QRFPR: variants seen among roughly 807,000 people sequenced by gnomAD.
The protein encoded by QRFPR is pyroglutamylated RF-amide peptide receptor.
In QRFPR, 37 loss-of-function variants were observed where a neutral mutation model predicts 31.3. The observed-to-expected ratio is 1.18, with a 90% CI of 0.91 to 1.56. The LOEUF is 1.56. Ranked by LOEUF, QRFPR falls within the 40% of genes most tolerant of loss-of-function variation. The pLI is 0.00. For synonymous variants in QRFPR, 197 were observed against 192.0 expected (o/e 1.03, Z -0.22); for missense variants, 542 against 532.5 (o/e 1.02, Z -0.18).
chr4:121,362,306 C>CT (rs1726009323), intron 1 of QRFPR, among the ~76,000 whole-genome samples: 1 of 149,156 alleles, frequency 6.7e-6, no homozygotes, highest in African/African-American at 2.5e-5. Flanking sequence ...AGTTCTCTTT[C>CT]TTTTTTAAAA....
chr4:121,374,071 A>AAAGTTCTATTCTCCAGGC (rs1726303908), intron 1 of QRFPR, among the ~76,000 whole-genome samples: 1 of 152,248 alleles, frequency 6.6e-6, no homozygotes, highest in African/African-American at 2.4e-5. Context: ...ATTTATAACT[A>AAAGTTCTATTCTCCAGGC]AAGTTCTATT....
At chr4:121,347,208 TA>T (rs1433550875) in intron 1 of QRFPR, among the ~76,000 whole-genome samples, 1 of 152,146 alleles carries the variant, frequency 6.6e-6, no homozygotes, top group Non-Finnish European at 1.5e-5. Flanking sequence ...TTTCTTACAT[TA>T]AAAAATGTTT....
intron 1 of QRFPR, among the ~76,000 whole-genome samples, chr4:121,360,124 G>T (rs531207082): frequency 6.6e-6 from 1 of 152,264 alleles, no homozygotes; most frequent in African/African-American, 2.4e-5. Context: ...TTCAGTAACT[G>T]TGTTTACTAC....
intron 1 of QRFPR, among the ~76,000 whole-genome samples, chr4:121,372,992 C>A (rs1164755097): frequency 1.3e-5 from 2 of 152,136 alleles, no homozygotes; most frequent in Admixed American, 6.5e-5. Flanking sequence ...CTGTTGAAGA[C>A]CTTAATCCAG....
In QRFPR at chr4:121,340,472, C is replaced by T. The variant is rs146756169; in HGVS notation, c.479G>A (p.Arg160Gln). ...CTCACCTAGCATTGTGAAAGCCCTT[C>T]GGTTGGTGTATTGCCACTTCATTTT... ...PFKMKWQYTN[R>Q]RAFTMLGVVW... Residue 160 changes from arginine to glutamine, a missense_variant, in exon 2 of 6, where the codon CGA (arginine) becomes CAA (glutamine). Coordinates refer to ENST00000394427, the MANE Select transcript of QRFPR (RefSeq NM_198179.3). 2.1e-5 allele frequency: 34 copies of T among 1,613,892 alleles called. No individual in the cohort carries two copies. Among genetic ancestry groups the T allele is most frequent in the Admixed American group, 5.0e-5 (3 of 59,964 alleles).
intron 1 of QRFPR, among the ~76,000 whole-genome samples, chr4:121,354,615 A>C (rs1395708389): frequency 1.3e-5 from 2 of 152,036 alleles, no homozygotes; most frequent in Admixed American, 6.6e-5. Context: ...GAAAATGAGC[A>C]TCTTTTTCTT....
At chr4:121,333,494 T>C (rs1312644772) in intron 3 of QRFPR, among the ~76,000 whole-genome samples, 1 of 152,240 alleles carries the variant, frequency 6.6e-6, no homozygotes, top group Non-Finnish European at 1.5e-5. Context: ...ATGAGACATC[T>C]TTCAATTGAA....
At chr4:121,343,532 G>A (rs1725584122) in intron 1 of QRFPR, among the ~76,000 whole-genome samples, 1 of 152,152 alleles carries the variant, frequency 6.6e-6, no homozygotes. Flanking sequence ...TGTTAATAAA[G>A]TCCACTGTGT....
chr4:121,365,600 ATAATATATATAT>A (rs1726108215), intron 1 of QRFPR, among the ~76,000 whole-genome samples: 1 of 12,466 alleles, frequency 8.0e-5, no homozygotes, highest in South Asian at 1.4e-3. Flanking sequence ...TTATATATAT[ATAATATATATAT>A]TATATATATT....
At chr4:121,363,292 C>T (rs1047111711) in intron 1 of QRFPR, among the ~76,000 whole-genome samples, 3 of 150,072 alleles carry the variant, frequency 2.0e-5, no homozygotes, top group Non-Finnish European at 4.4e-5. Context: ...CGCCATTGCA[C>T]TCCAGCCTGG....
At position 121,355,491 on chromosome 4, in the gene QRFPR, T is replaced by C. The variant is rs960567560; in HGVS notation, c.341-14881A>G. Among the ~76,000 whole-genome samples the C allele has an allele frequency of 5.3e-5, 8 of 152,122 alleles. No homozygotes were observed. In the East Asian group the frequency reaches 1.5e-3, roughly 29 times the overall value. ...AGATTAAAGGTTAGTTGACTTTGTT[T>C]ATCTGTTCAAGAAAACAACTTTTCC... On this transcript the variant is annotated intron_variant, in intron 1 of 5. Transcript: ENST00000394427.
intron 1 of QRFPR, among the ~76,000 whole-genome samples, chr4:121,376,475 T>C (rs1398299871): frequency 2.0e-5 from 3 of 152,132 alleles, no homozygotes; most frequent in East Asian, 3.8e-4. Flanking sequence ...CCCAGCAGTG[T>C]ACAAAAGAAA....
intron 2 of QRFPR, chr4:121,340,216 T>G: frequency 2.0e-6 from 1 of 492,850 alleles, no homozygotes; most frequent in East Asian, 3.7e-5. Flanking sequence ...GCTTAAACGT[T>G]TAAGATGTAA....
chr4:121,369,552 C>A (rs1416728494), intron 1 of QRFPR: 79 of 1,607,806 alleles, frequency 4.9e-5, no homozygotes, highest in Non-Finnish European at 6.4e-5. Context: ...GCTGCTGGAT[C>A]TTCAGCCATT....
intron 1 of QRFPR, among the ~76,000 whole-genome samples, chr4:121,373,581 C>CT (rs1392846811): frequency 6.6e-6 from 1 of 152,172 alleles, no homozygotes. Context: ...TTACACCAAT[C>CT]TTACCATATG....
At chr4:121,340,356 A>G (rs749551357) in intron 2 of QRFPR, 96 bp downstream of exon 2, 27 of 1,310,086 alleles carry the variant, frequency 2.1e-5, no homozygotes, top group Non-Finnish European at 2.7e-5. Context: ...CCTACAAGTT[A>G]GATAAGAAGC....
intron 3 of QRFPR, among the ~76,000 whole-genome samples, chr4:121,336,601 G>A (rs551469801): frequency 6.6e-6 from 1 of 152,248 alleles, no homozygotes. Context: ...AAGCATTAGA[G>A]TCCTAACAAT....
rs553165874 is a variant in QRFPR at position 121,369,879 on chromosome 4, G to C, written c.340+10429C>G. 103 of 820,652 alleles carry C rather than the reference G, an allele frequency of 1.3e-4. No individual in the cohort carries two copies. In the South Asian group the frequency reaches 1.3e-3, roughly 11 times the overall value. The allele number at this position is 820,652 out of a possible 1,614,324, so 50.8% of individuals were successfully genotyped here. On this transcript the variant is annotated intron_variant, in intron 1 of 5. Transcript: ENST00000394427. Reference sequence around the variant, plus strand: ...TCTTTTGTTATCTCTCCACTCTGCAGCTTTAGTTTGTGGAGTGCTTCTGCT... The same window carrying C: ...TCTTTTGTTATCTCTCCACTCTGCACCTTTAGTTTGTGGAGTGCTTCTGCT...
At chr4:121,331,579 T>A (rs1307985144) in intron 4 of QRFPR, among the ~76,000 whole-genome samples, 1 of 151,458 alleles carries the variant, frequency 6.6e-6, no homozygotes, top group Non-Finnish European at 1.5e-5. Flanking sequence ...CTCTACACAT[T>A]TGCATGGTGC....
Sources: allele counts gnomAD v4.1 joint callset (sites outside exome capture counted in the v4.1 genomes callset), GRCh38; gene constraint gnomAD v4.1.1; transcripts MANE v1.5; gene names NCBI Gene and HGNC (gene_info 2026-07-23, HGNC 2026-07-21).